Variants in TAFA1 observed in about 807,000 individuals in gnomAD.
TAFA1 encodes chemokine-like protein TAFA-1.
Under a neutral mutation model 18.5 loss-of-function variants are expected in TAFA1, and 4 were observed. The observed-to-expected ratio is 0.22, with a 90% CI of 0.11 to 0.49. The LOEUF (loss-of-function observed/expected upper bound fraction) is 0.49. Ranked by LOEUF, TAFA1 falls within the 20% of genes least tolerant of loss-of-function variation. The probability of loss-of-function intolerance (pLI) is 0.98; values close to 1 mark genes in which losing one functional copy is unlikely to be tolerated. For synonymous variants in TAFA1, 56 were observed against 55.2 expected, an observed-to-expected ratio of 1.01 and a Z score of -0.06; for missense variants, 147 against 169.0, an observed-to-expected ratio of 0.87 and a Z score of 0.72.
At chr3:68,347,143 G>A (rs2069176353) in intron 2 of TAFA1, among the ~76,000 whole-genome samples, 1 of 152,072 alleles carries the variant, frequency 6.6e-6, no homozygotes, top group African/African-American at 2.4e-5. Context: ...TTCTCTTACT[G>A]CTTATACTTT....
At chr3:68,447,540 C>T (rs1241821695) in intron 3 of TAFA1, among the ~76,000 whole-genome samples, 4 of 152,212 alleles carry the variant, frequency 2.6e-5, no homozygotes, top group Non-Finnish European at 5.9e-5. Flanking sequence ...CCAAAACTCT[C>T]CAGTTTCTGA....
chr3:68,367,102 TGTA>T (rs1575808989), intron 2 of TAFA1, among the ~76,000 whole-genome samples: 1 of 152,306 alleles, frequency 6.6e-6, no homozygotes, highest in East Asian at 1.9e-4. Context: ...GTTGTGAGAA[TGTA>T]GTAGATTACC....
intron 2 of TAFA1, among the ~76,000 whole-genome samples, chr3:68,091,622 T>G (rs766006360): frequency 1.8e-4 from 28 of 152,216 alleles, no homozygotes; most frequent in Middle Eastern, 3.4e-3. Context: ...ATCAATGAAT[T>G]ATATACTCAT....
At chr3:68,436,725 G>A (rs1301419874) in intron 3 of TAFA1, among the ~76,000 whole-genome samples, 5 of 152,064 alleles carry the variant, frequency 3.3e-5, no homozygotes, top group South Asian at 2.1e-4. Context: ...CCCAAATGTG[G>A]AACCAACAGA....
chr3:68,148,300 T>C (rs2065767154), intron 2 of TAFA1, among the ~76,000 whole-genome samples: 1 of 152,254 alleles, frequency 6.6e-6, no homozygotes, highest in South Asian at 2.1e-4. Context: ...GTCTGTATTT[T>C]GCAAGAAGCC....
chr3:68,234,646 G>A (rs1326151860), intron 2 of TAFA1, among the ~76,000 whole-genome samples: 1 of 152,088 alleles, frequency 6.6e-6, no homozygotes, highest in Non-Finnish European at 1.5e-5. Flanking sequence ...CCAAAGCTCT[G>A]CTTGGCCTTT....
chr3:68,159,167 G>A (rs1417468550), intron 2 of TAFA1, among the ~76,000 whole-genome samples: 5 of 152,198 alleles, frequency 3.3e-5, no homozygotes, highest in African/African-American at 1.2e-4. Context: ...ACATGGGGAG[G>A]ACTGGATAGA....
intron 2 of TAFA1, among the ~76,000 whole-genome samples, chr3:68,341,807 G>C (rs1399894490): frequency 6.6e-6 from 1 of 152,182 alleles, no homozygotes. Flanking sequence ...AGTCACCGAA[G>C]TAAAGGTTAG....
chr3:68,262,670 T>C (rs2067459006), intron 2 of TAFA1, among the ~76,000 whole-genome samples: 2 of 152,108 alleles, frequency 1.3e-5, no homozygotes, highest in Non-Finnish European at 2.9e-5. Flanking sequence ...ATTTTCTTTA[T>C]CCAATTCACC....
intron 3 of TAFA1, among the ~76,000 whole-genome samples, chr3:68,499,446 CTTTTTTTTTT>C (rs752597708): frequency 8.9e-6 from 1 of 112,176 alleles, no homozygotes; most frequent in Non-Finnish European, 1.9e-5. Context: ...GTGTTCCTTT[CTTTTTTTTTT>C]TTTTTTTTGA....
chr3:68,034,522 C>G (rs1005456190), intron 2 of TAFA1, among the ~76,000 whole-genome samples: 1 of 152,204 alleles, frequency 6.6e-6, no homozygotes, highest in African/African-American at 2.4e-5. Context: ...ACTTCATACT[C>G]TTCAATGTTA....
chr3:68,532,493 T>A, intron 3 of TAFA1, among the ~76,000 whole-genome samples: 1 of 152,136 alleles, frequency 6.6e-6, no homozygotes, highest in East Asian at 1.9e-4. Context: ...TCTTCACTAA[T>A]GTAGATTTCT....
At chr3:68,218,555 T>G (rs1450806063) in intron 2 of TAFA1, among the ~76,000 whole-genome samples, 1 of 152,108 alleles carries the variant, frequency 6.6e-6, no homozygotes, top group Non-Finnish European at 1.5e-5. Flanking sequence ...ATTTCATACC[T>G]GGTCCTACAG....
intron 3 of TAFA1, among the ~76,000 whole-genome samples, chr3:68,506,658 A>G (rs888910801): frequency 6.6e-6 from 1 of 152,164 alleles, no homozygotes; most frequent in African/African-American, 2.4e-5. Flanking sequence ...ACTCAAGGTG[A>G]AATAGCTGCT....
At chr3:68,386,866 A>C (rs1343272599) in intron 2 of TAFA1, among the ~76,000 whole-genome samples, 1 of 152,132 alleles carries the variant, frequency 6.6e-6, no homozygotes, top group Admixed American at 6.6e-5. Context: ...TATGCATAAG[A>C]ATTAGGTCCT....
chr3:68,194,915 A>C (rs931537908), intron 2 of TAFA1, among the ~76,000 whole-genome samples: 7 of 151,710 alleles, frequency 4.6e-5, no homozygotes, highest in Non-Finnish European at 1.0e-4. Context: ...CGTCATTATC[A>C]GTACTAACTA....
At chr3:68,281,411 T>C (rs752162205) in intron 2 of TAFA1, among the ~76,000 whole-genome samples, 1 of 151,896 alleles carries the variant, frequency 6.6e-6, no homozygotes, top group Non-Finnish European at 1.5e-5. Flanking sequence ...TATCAAGCTC[T>C]AGGAGTAGTT....
At chr3:68,146,482 C>G (rs1373248238) in intron 2 of TAFA1, among the ~76,000 whole-genome samples, 1 of 152,032 alleles carries the variant, frequency 6.6e-6, no homozygotes, top group Non-Finnish European at 1.5e-5. Context: ...TGTTCAACAC[C>G]CAAAGGACTG....
At chr3:68,252,937 G>A (rs561031547) in intron 2 of TAFA1, among the ~76,000 whole-genome samples, 30 of 152,196 alleles carry the variant, frequency 2.0e-4, no homozygotes, top group South Asian at 6.2e-4. Flanking sequence ...TTATAAAGGC[G>A]AAGATCCCCT....
Sources: gnomAD v4.1 joint callset for allele counts (sites outside exome capture counted in the v4.1 genomes callset) on GRCh38, gnomAD v4.1.1 for gene constraint, MANE v1.5 for transcripts, NCBI Gene and HGNC (gene_info 2026-07-23, HGNC 2026-07-21) for gene names.